The following NRXN1 variants were observed in gnomAD, a reference collection of about 807,000 sequenced individuals.
The protein encoded by NRXN1 is neurexin 1.
NRXN1 carries 39 observed loss-of-function variants against 150.9 expected under a neutral mutation model. That is an observed-to-expected ratio of 0.26 (90% CI 0.20 to 0.34). The LOEUF is 0.34. Ranked by LOEUF, NRXN1 falls within the 10% of genes least tolerant of loss-of-function variation. The pLI, the probability that NRXN1 is intolerant of heterozygous loss-of-function variation, is 1.00. For synonymous variants in NRXN1, 924 were observed against 757.0 expected (o/e 1.22, Z -3.62); for missense variants, 1,815 against 1,949.9 (o/e 0.93, Z 1.30).
At chr2:50,891,431 G>A (rs1414437850) in intron 5 of NRXN1, among the ~76,000 whole-genome samples, 1 of 151,942 alleles carries the variant, frequency 6.6e-6, no homozygotes, top group East Asian at 1.9e-4. Context: ...GACATAAATG[G>A]AATTGTTCTG....
intron 2 of NRXN1, among the ~76,000 whole-genome samples, chr2:51,020,106 C>T (rs1669357354): frequency 2.0e-5 from 3 of 151,278 alleles, no homozygotes; most frequent in African/African-American, 7.3e-5. Context: ...AAAGCATATA[C>T]ATTTTACGTA....
intron 5 of NRXN1, among the ~76,000 whole-genome samples, chr2:50,813,109 G>C (rs1217026269): frequency 6.6e-6 from 1 of 151,982 alleles, no homozygotes; most frequent in Non-Finnish European, 1.5e-5. Flanking sequence ...CGGGAGGATG[G>C]CTTGAGCCTG....
chr2:50,201,270 C>G (rs183376164), intron 18 of NRXN1, among the ~76,000 whole-genome samples: 4 of 152,042 alleles, frequency 2.6e-5, no homozygotes, highest in Admixed American at 2.6e-4. Flanking sequence ...CTTGGTTGAA[C>G]GACGGAATCA....
At chr2:50,138,975 G>A (rs1706833430) in intron 18 of NRXN1, among the ~76,000 whole-genome samples, 1 of 152,296 alleles carries the variant, frequency 6.6e-6, no homozygotes, top group Admixed American at 6.5e-5. Flanking sequence ...CAGATAAAAG[G>A]TAAAGGTTTA....
chr2:50,259,870 G>T (rs996391119), intron 17 of NRXN1, among the ~76,000 whole-genome samples: 1 of 151,754 alleles, frequency 6.6e-6, no homozygotes, highest in Non-Finnish European at 1.5e-5. Flanking sequence ...TAGTTGATCT[G>T]CTTCCTCTAC....
intron 21 of NRXN1, among the ~76,000 whole-genome samples, chr2:50,014,129 T>C (rs1686181825): frequency 6.6e-6 from 1 of 151,054 alleles, no homozygotes. Flanking sequence ...TTTTTAGAAA[T>C]GAGTATGGAT....
At chr2:51,019,915 T>A (rs1166684993) in intron 2 of NRXN1, among the ~76,000 whole-genome samples, 7 of 152,070 alleles carry the variant, frequency 4.6e-5, no homozygotes, top group African/African-American at 1.7e-4. Flanking sequence ...GAATACTCCT[T>A]GGATATATGT....
chr2:50,083,771 C>G (rs1261962233), intron 19 of NRXN1, among the ~76,000 whole-genome samples: 3 of 152,158 alleles, frequency 2.0e-5, no homozygotes, highest in South Asian at 2.1e-4. Context: ...CTGAGCTAGA[C>G]ACAAACGTTC....
chr2:50,132,856 CTTTT>C (rs70946891), intron 18 of NRXN1, among the ~76,000 whole-genome samples: 6 of 142,450 alleles, frequency 4.2e-5, no homozygotes, highest in African/African-American at 5.2e-5. Context: ...GATTTAGGGT[CTTTT>C]TTTTTTTTTT....
At chr2:49,977,240 C>T (rs1342599834) in intron 21 of NRXN1, among the ~76,000 whole-genome samples, 3 of 152,082 alleles carry the variant, frequency 2.0e-5, no homozygotes, top group Non-Finnish European at 4.4e-5. Context: ...CATAAAAGTG[C>T]TGTAAATCAG....
At chr2:50,252,914 G>T (rs1415177492) in intron 17 of NRXN1, among the ~76,000 whole-genome samples, 5 of 152,076 alleles carry the variant, frequency 3.3e-5, no homozygotes, top group Admixed American at 3.3e-4. Context: ...GGTTCCATAT[G>T]AATTTTAAAA....
chr2:50,518,310 C>T (rs1289355797), intron 12 of NRXN1, among the ~76,000 whole-genome samples: 1 of 151,880 alleles, frequency 6.6e-6, no homozygotes, highest in Non-Finnish European at 1.5e-5. Flanking sequence ...AGTAACAATT[C>T]AGACTGTGAT....
At chr2:50,459,304 C>G (rs1021487612) in intron 17 of NRXN1, among the ~76,000 whole-genome samples, 3 of 152,090 alleles carry the variant, frequency 2.0e-5, no homozygotes, top group Non-Finnish European at 4.4e-5. Flanking sequence ...TAAAATGATA[C>G]TAAGTATTTT....
chr2:50,484,841 A>G (rs1342659847), intron 15 of NRXN1, among the ~76,000 whole-genome samples: 1 of 152,106 alleles, frequency 6.6e-6, no homozygotes, highest in Non-Finnish European at 1.5e-5. Context: ...TATACAATGT[A>G]GTAGAAAAGT....
At chr2:50,125,375 G>A (rs541375245) in intron 18 of NRXN1, among the ~76,000 whole-genome samples, 1 of 152,240 alleles carries the variant, frequency 6.6e-6, no homozygotes, top group East Asian at 1.9e-4. Flanking sequence ...ACACAGAAAT[G>A]TATTTCCAGA....
chr2:50,556,462 T>C (rs1451413899), intron 8 of NRXN1, among the ~76,000 whole-genome samples: 2 of 152,072 alleles, frequency 1.3e-5, no homozygotes, highest in Non-Finnish European at 2.9e-5. Flanking sequence ...TGCACACTCA[T>C]TTGGATCTGT....
intron 17 of NRXN1, among the ~76,000 whole-genome samples, chr2:50,329,664 TATATATA>T (rs2076690343): frequency 1.9e-4 from 5 of 26,290 alleles, no homozygotes; most frequent in Admixed American, 6.5e-4. Context: ...TATATATATA[TATATATA>T]TATTTTTTTT....
chr2:50,184,806 A>G (rs2152815336), intron 18 of NRXN1, among the ~76,000 whole-genome samples: 1 of 152,192 alleles, frequency 6.6e-6, no homozygotes, highest in Non-Finnish European at 1.5e-5. Context: ...TTAACTCCTG[A>G]TGACCCTATA....
At chr2:50,503,735 T>G (rs1392187624) in intron 13 of NRXN1, among the ~76,000 whole-genome samples, 2 of 152,128 alleles carry the variant, frequency 1.3e-5, no homozygotes, top group African/African-American at 4.8e-5. Flanking sequence ...CAATAGATAC[T>G]AAATCTAGGG....
Sources: allele counts gnomAD v4.1 joint callset (sites outside exome capture counted in the v4.1 genomes callset), GRCh38; gene constraint gnomAD v4.1.1; transcripts MANE v1.5; gene names NCBI Gene and HGNC (gene_info 2026-07-23, HGNC 2026-07-21).